ARSG: variants seen among roughly 807,000 people sequenced by gnomAD.
The protein encoded by ARSG is arylsulfatase G, also known as ASG.
A neutral mutation model predicts 50.5 loss-of-function variants in ARSG; 37 were observed. The ratio of observed to expected loss-of-function variants is 0.73; its 90% confidence interval spans 0.56 to 0.96. The LOEUF (loss-of-function observed/expected upper bound fraction) is 0.96. ARSG is among the 50% of genes least tolerant of loss of function. The probability of loss-of-function intolerance (pLI) is 0.00; values close to 1 mark genes in which losing one functional copy is unlikely to be tolerated. For synonymous variants in ARSG, 225 were observed against 254.6 expected (o/e 0.88, Z 1.11); for missense variants, 629 against 675.3 (o/e 0.93, Z 0.76).
intron 1 of ARSG, among the ~76,000 whole-genome samples, chr17:68,274,966 G>C (rs2075465312): frequency 6.6e-6 from 1 of 152,164 alleles, no homozygotes; most frequent in African/African-American, 2.4e-5. Flanking sequence ...TTTTAGTAGA[G>C]ATGGGGTTTC....
downstream of ARSG, chr17:68,425,813 T>C (rs2083131015): frequency 5.0e-6 from 2 of 399,066 alleles, no homozygotes; most frequent in East Asian, 8.6e-5. Context: ...GGCCTCTGGC[T>C]GGAGGGAGGC....
intron 11 of ARSG, among the ~76,000 whole-genome samples, chr17:68,412,021 G>T (rs1468704463): frequency 4.0e-5 from 6 of 151,688 alleles, no homozygotes; most frequent in South Asian, 2.1e-4. Context: ...TGTCTCTGCA[G>T]GTGAGATAGG....
chr17:68,381,569 T>C lies in ARSG; in HGVS notation c.983-3495T>C, dbSNP rs1210728951. ...TGTCTATTGTTCTTACTATGACTTA[T>C]AAGGTCATATTTATGATGCTATGGC... On this transcript the variant is annotated intron_variant, in intron 8 of 11. Coordinates refer to ENST00000621439, the MANE Select transcript of ARSG (RefSeq NM_001267727.2). The surrounding 1 kb of genome is among the most constrained non-coding windows in gnomAD (Gnocchi z 4.1). 2.6e-5 allele frequency among the ~76,000 whole-genome samples: 4 copies of C among 152,154 alleles called. No homozygotes were observed. Among genetic ancestry groups the C allele is most frequent in the African/African-American group, 4.8e-5 (2 of 41,428 alleles).
At chr17:68,267,433 C>G (rs782087205) in intron 1 of ARSG, 9 of 152,146 alleles carry the variant, frequency 5.9e-5, no homozygotes, top group Non-Finnish European at 1.2e-4. Context: ...ATAGATTGTC[C>G]TATTTCTATG....
chr17:68,360,764 A>G (rs1261335004), intron 6 of ARSG, among the ~76,000 whole-genome samples: 2 of 152,170 alleles, frequency 1.3e-5, no homozygotes, highest in African/African-American at 2.4e-5. Flanking sequence ...GGGCTTGATA[A>G]GCAGGAGTGT....
intron 1 of ARSG, among the ~76,000 whole-genome samples, chr17:68,265,756 T>G (rs1222254296): frequency 3.4e-5 from 4 of 117,264 alleles, no homozygotes; most frequent in Non-Finnish European, 5.8e-5. Flanking sequence ...GTGTGTTGTT[T>G]TTTTTTTTTT....
chr17:68,284,160 G>A (rs1555753747), intron 1 of ARSG, among the ~76,000 whole-genome samples: 1 of 151,244 alleles, frequency 6.6e-6, no homozygotes, highest in African/African-American at 2.4e-5. Flanking sequence ...TAATCCTTTG[G>A]GAGGCCAAGG....
At chr17:68,325,328 C>T (rs2077462668) in intron 2 of ARSG, among the ~76,000 whole-genome samples, 1 of 152,128 alleles carries the variant, frequency 6.6e-6, no homozygotes, top group Non-Finnish European at 1.5e-5. Flanking sequence ...CCATCACCCC[C>T]AGATGGGACC....
chr17:68,449,474 G>T, the ARSG span, among the ~76,000 whole-genome samples: 1 of 152,178 alleles, frequency 6.6e-6, no homozygotes, highest in Non-Finnish European at 1.5e-5. Flanking sequence ...TCAGATCAGT[G>T]TCCCTCCCCA....
rs764656528 is a variant in ARSG at position 68,368,567 on chromosome 17, C to G, written c.724C>G (p.Leu242Val). 1.9e-6 allele frequency: 3 copies of G among 1,613,874 alleles called. No individual in the cohort carries two copies. In the African/African-American group the frequency reaches 4.0e-5, roughly 22 times the overall value. ...TTTCAGCACCAGCGGGAGGCCCTTC[C>G]TGCTCTATGTGGCTCTGGCCCACAT... ...QRASTSGRPF[L>V]LYVALAHMHV... is the part of the protein sequence containing the mutation. Residue 242 changes from leucine (L) to valine (V), a missense_variant, in exon 7 of 12, where the codon CTG (leucine) becomes GTG (valine). Leu to Val is a conservative substitution (Grantham distance 32). Coordinates refer to ENST00000621439, the MANE Select transcript of ARSG (RefSeq NM_001267727.2).
intron 2 of ARSG, among the ~76,000 whole-genome samples, chr17:68,310,272 G>GT (rs1325586794): frequency 1.3e-5 from 2 of 152,308 alleles, no homozygotes; most frequent in East Asian, 1.9e-4. Context: ...AACATCCAGA[G>GT]TTTTTGGAGA....
chr17:68,278,388 T>C, intron 1 of ARSG: 2 of 1,066,758 alleles, frequency 1.9e-6, no homozygotes, highest in Non-Finnish European at 2.8e-6. Context: ...ATGATTCTCA[T>C]ACTCTTAAGC....
In ARSG at chr17:68,369,984, C is replaced by T. The variant is rs185894647; in HGVS notation, c.902-460C>T. On this transcript the variant is annotated intron_variant, in intron 7 of 11. Coordinates refer to ENST00000621439, the MANE Select transcript of ARSG (RefSeq NM_001267727.2). ...ATCTCATATCAAGGGTTGTTCTTCA[C>T]GGATGGGAATCATATTTGTCTTTAT... Among the ~76,000 whole-genome samples the T allele has an allele frequency of 3.0e-3, 460 of 152,184 alleles. 2 individuals are homozygous for T. The highest frequency in any genetic ancestry group is 9.6e-3 in the African/African-American group (397 of 41,512).
chr17:68,274,397 C>A (rs1470711061), intron 1 of ARSG: 5 of 201,712 alleles, frequency 2.5e-5, no homozygotes, highest in Non-Finnish European at 5.2e-5. Flanking sequence ...GCCTGGGAGG[C>A]AGACGATGCA....
chr17:68,433,785 T>G, the ARSG span, among the ~76,000 whole-genome samples: 288 of 88,316 alleles, frequency 3.3e-3, 12 homozygotes, highest in East Asian at 0.064. Flanking sequence ...TTTTTTTTTT[T>G]TTTTTTTTTT....
At chr17:68,362,588 T>C (rs527849413) in intron 6 of ARSG, among the ~76,000 whole-genome samples, 28 of 152,244 alleles carry the variant, frequency 1.8e-4, no homozygotes, top group African/African-American at 6.5e-4. Flanking sequence ...GGCTGAGTAT[T>C]CCGTATCTGG....
At chr17:68,351,501 TG>T in intron 4 of ARSG, 73 bp from the exon 5 acceptor site, 1 of 785,304 alleles carries the variant, frequency 1.3e-6, no homozygotes, top group East Asian at 2.4e-5. Context: ...ATTACATTTT[TG>T]TCGTGGGTGT....
chr17:68,384,186 C>T (rs547505716), intron 8 of ARSG, among the ~76,000 whole-genome samples: 9 of 152,220 alleles, frequency 5.9e-5, no homozygotes, highest in African/African-American at 1.9e-4. Context: ...GCTGTGCACA[C>T]GCTAACTTTG....
At chr17:68,318,633 C>G (rs1402914704) in intron 2 of ARSG, among the ~76,000 whole-genome samples, 6 of 152,256 alleles carry the variant, frequency 3.9e-5, no homozygotes, top group African/African-American at 1.4e-4. Flanking sequence ...CAGGTGACAG[C>G]ACACTGTAAT....
Sources: allele counts gnomAD v4.1 joint callset (sites outside exome capture counted in the v4.1 genomes callset), GRCh38; gene constraint gnomAD v4.1.1; non-coding constraint Gnocchi (gnomAD v3.1); transcripts MANE v1.5; gene names NCBI Gene and HGNC (gene_info 2026-07-23, HGNC 2026-07-21).